PBRM1: variants seen among roughly 807,000 people sequenced by gnomAD.
PBRM1 encodes polybromo 1.
PBRM1 carries 27 observed loss-of-function variants against 194.5 expected under a neutral mutation model. The observed-to-expected ratio is 0.14, with a 90% CI of 0.10 to 0.19. PBRM1 has a LOEUF of 0.19. Ranked by LOEUF, PBRM1 falls within the 10% of genes least tolerant of loss-of-function variation. PBRM1 has a pLI of 1.00. For missense variants in PBRM1, 1,466 were observed against 2,077.2 expected (o/e 0.71, Z 5.72); for synonymous variants, 655 against 693.2 (o/e 0.94, Z 0.87).
At chr3:52,579,284 A>G in intron 20 of PBRM1, 85 bp from the exon 23 acceptor site, 1 of 1,294,986 alleles carries the variant, frequency 7.7e-7, no homozygotes, top group Non-Finnish European at 1.1e-6. Context: ...CTTTTCTTTC[A>G]CATTAACTTA....
chr3:52,572,324 G>GT (rs2087658402), intron 22 of PBRM1, among the ~76,000 whole-genome samples: 1 of 152,046 alleles, frequency 6.6e-6, no homozygotes, highest in African/African-American at 2.4e-5. Context: ...CACCTAAGGG[G>GT]TTAAGGGTAG....
intron 22 of PBRM1, among the ~76,000 whole-genome samples, chr3:52,566,596 T>G (rs1037231723): frequency 6.6e-6 from 1 of 152,146 alleles, no homozygotes; most frequent in Non-Finnish European, 1.5e-5. Context: ...ATATGCAGTA[T>G]ATAGAACAGG....
rs1274619069 is a variant in PBRM1, at chr3:52,609,670, G to A, written c.2210C>T (p.Thr737Ile). The change falls in exon 16 of 30, where the codon ACA (threonine) becomes ATA (isoleucine). Residue 737 changes from threonine (T) to isoleucine (I), a missense_variant. Transcript: ENST00000296302. The surrounding 1 kb of genome is among the most constrained non-coding windows in gnomAD (Gnocchi z 4.1). ...GATCAAAGACTCCGGCTCATTGTAT[G>A]TACAGGCATTATTAAACATCATGAC... 3.1e-6 allele frequency: 5 copies of A among 1,612,936 alleles called. No homozygotes were observed. Among genetic ancestry groups the A allele is most frequent in the East Asian group, 4.5e-5 (2 of 44,864 alleles).
exon 4 of PBRM1, chr3:52,662,247 G>C (rs2096739010): frequency 6.2e-7 from 1 of 1,613,180 alleles, no homozygotes; most frequent in Non-Finnish European, 8.5e-7. Context: ...CCCAGAGTTT[G>C]CAAGCGGCTT....
intron 11 of PBRM1, 124 bp from the exon 13 acceptor site, chr3:52,629,159 G>T: frequency 1.4e-6 from 1 of 692,194 alleles, no homozygotes; most frequent in Non-Finnish European, 2.4e-6. Context: ...TACTGATTAG[G>T]AACTTAAAAA....
chr3:52,608,808 A>G (rs2094473733), intron 16 of PBRM1, among the ~76,000 whole-genome samples: 1 of 152,022 alleles, frequency 6.6e-6, no homozygotes. Flanking sequence ...CTTTTAGAAC[A>G]TTTAATGTCT....
chr3:52,574,404 G>C (rs985562195), intron 22 of PBRM1, among the ~76,000 whole-genome samples: 9 of 152,202 alleles, frequency 5.9e-5, no homozygotes, highest in African/African-American at 2.2e-4. Context: ...TTTAAGTCAT[G>C]AATTTCGAAG....
chr3:52,671,468 G>C (rs1281953562), intron 2 of PBRM1, among the ~76,000 whole-genome samples: 1 of 152,208 alleles, frequency 6.6e-6, no homozygotes, highest in East Asian at 1.9e-4. Flanking sequence ...TCAGTGTGAT[G>C]CTGCTACTCT....
At position 52,609,414 on chromosome 3, in the gene PBRM1, A is replaced by G. The variant is rs778492793; in HGVS notation, c.2466T>C (p.Phe822=). The G allele has an allele frequency of 4.5e-5, 72 of 1,613,642 alleles. No homozygotes were observed. The South Asian group carries it at 7.8e-4, about 17-fold the overall frequency. ...TTTCAACATTCTTCCTAATTATGTC[A>G]AATGTAAGGGGTGGTTTGTTAGGAA... is the stretch of plus-strand genomic sequence containing the variant. Residue 822 remains phenylalanine (F), a synonymous_variant, in exon 16 of 30, where the codon TTT becomes TTC. Coordinates refer to ENST00000296302, the Ensembl canonical transcript of PBRM1. This position sits in a 1 kb window ranked among gnomAD's most constrained non-coding sequence, Gnocchi z 4.1.
intron 26 of PBRM1, among the ~76,000 whole-genome samples, chr3:52,555,709 T>G (rs1231457183): frequency 6.6e-6 from 1 of 152,192 alleles, no homozygotes; most frequent in Non-Finnish European, 1.5e-5. Flanking sequence ...AGGGAGCATT[T>G]TAATTTGAGG....
At chr3:52,613,343 T>C (rs1482641994) in intron 15 of PBRM1, among the ~76,000 whole-genome samples, 1 of 148,384 alleles carries the variant, frequency 6.7e-6, no homozygotes, top group Admixed American at 6.7e-5. Flanking sequence ...TTCTGTTTTT[T>C]TTTTTTTTGG....
At chr3:52,557,222 T>C (rs2082407097) in intron 26 of PBRM1, among the ~76,000 whole-genome samples, 1 of 152,350 alleles carries the variant, frequency 6.6e-6, no homozygotes. Flanking sequence ...AGATGTGCTT[T>C]GGCGAGTGCA....
exon 29 of PBRM1, chr3:52,550,576 G>C: frequency 6.5e-7 from 1 of 1,541,250 alleles, no homozygotes; most frequent in Non-Finnish European, 8.7e-7. Flanking sequence ...AGGGGGTCCA[G>C]CTGGATGTGG....
At chr3:52,638,561 G>T (rs373943691) in intron 10 of PBRM1, among the ~76,000 whole-genome samples, 1 of 151,270 alleles carries the variant, frequency 6.6e-6, no homozygotes, top group Non-Finnish European at 1.5e-5. Flanking sequence ...GATTCACCAT[G>T]TTGGTCAGGC....
In PBRM1 at chr3:52,589,261, G is replaced by GT. The variant is rs1202060636; in HGVS notation, c.2780-7dup. On this transcript the variant is annotated splice_region_variant and splice_polypyrimidine_tract_variant and intron_variant, in intron 17 of 29. Transcript: ENST00000296302. The stretch of plus-strand genomic sequence containing the variant: ...ATCTTCACTCTTTTCAGCTTCTTAG[G>GT]TAAAAAAATAAATAAATAAAGGAAA... The GT allele has an allele frequency of 1.3e-6, 2 of 1,506,498 alleles. No individual in the cohort carries two copies. The highest frequency in any genetic ancestry group is 1.8e-6 in the Non-Finnish European group (2 of 1,132,762). The allele number at this position is 1,506,498 out of a possible 1,614,324, so 93.3% of individuals were successfully genotyped here.
At chr3:52,582,826 G>A (rs898526327) in intron 20 of PBRM1, among the ~76,000 whole-genome samples, 4 of 151,922 alleles carry the variant, frequency 2.6e-5, no homozygotes, top group African/African-American at 7.2e-5. Flanking sequence ...GGCCGGGCAC[G>A]GTGGCTCACG....
chr3:52,610,035 G>C (rs2153427841), intron 15 of PBRM1, 80 bp from the exon 18 acceptor site: 2 of 822,832 alleles, frequency 2.4e-6, no homozygotes, highest in Non-Finnish European at 3.6e-6. Flanking sequence ...AACCACAAGG[G>C]ACGATTCCAA....
At chr3:52,637,703 G>A (rs978561174) in intron 10 of PBRM1, among the ~76,000 whole-genome samples, 1 of 148,510 alleles carries the variant, frequency 6.7e-6, no homozygotes, top group South Asian at 2.1e-4. Flanking sequence ...TGAGGCGGGC[G>A]GATCATTTGA....
At chr3:52,673,887 C>T (rs1013960631) in intron 2 of PBRM1, among the ~76,000 whole-genome samples, 1 of 149,376 alleles carries the variant, frequency 6.7e-6, no homozygotes, top group Non-Finnish European at 1.5e-5. Flanking sequence ...CCTATCTCTA[C>T]TAAAAATACA....
Sources: allele counts gnomAD v4.1 joint callset (sites outside exome capture counted in the v4.1 genomes callset), GRCh38; gene constraint gnomAD v4.1.1; non-coding constraint Gnocchi (gnomAD v3.1); transcripts MANE v1.5; gene names NCBI Gene and HGNC (gene_info 2026-07-23, HGNC 2026-07-21).